Variants in SLC39A14 observed in about 807,000 individuals in gnomAD.
The protein encoded by SLC39A14 is metal cation symporter ZIP14.
A neutral mutation model predicts 45.5 loss-of-function variants in SLC39A14; 19 were observed. The ratio of observed to expected loss-of-function variants is 0.42; its 90% CI spans 0.29 to 0.61. SLC39A14 has a LOEUF of 0.61. SLC39A14 is among the 20% of genes least tolerant of loss of function. SLC39A14 has a pLI of 0.22. For missense variants in SLC39A14, 447 were observed against 616.5 expected (o/e 0.73, Z 2.91); for synonymous variants, 264 against 251.3 (o/e 1.05, Z -0.48).
chr8:22,373,547 G>A (rs1156360890), intron 1 of SLC39A14, among the ~76,000 whole-genome samples: 1 of 151,928 alleles, frequency 6.6e-6, no homozygotes, highest in Non-Finnish European at 1.5e-5. Context: ...GATGACACAG[G>A]TACGTGTCAC....
chr8:22,407,094 C>T (rs1319457320), intron 2 of SLC39A14, among the ~76,000 whole-genome samples: 1 of 152,186 alleles, frequency 6.6e-6, no homozygotes, highest in Non-Finnish European at 1.5e-5. Context: ...GGCCATGGCC[C>T]ACTTCCCTGA....
At chr8:22,427,512 G>GAAA, downstream of SLC39A14, among the ~76,000 whole-genome samples, 3 of 142,404 alleles carry the variant, frequency 2.1e-5, no homozygotes, top group Admixed American at 2.1e-4. Context: ...TGCTAGTAAG[G>GAAA]AAAAAAAAAA....
intron 1 of SLC39A14, among the ~76,000 whole-genome samples, chr8:22,389,273 G>GT (rs1833942427): frequency 6.6e-6 from 1 of 152,212 alleles, no homozygotes; most frequent in Admixed American, 6.5e-5. Context: ...TAGTTCCCAG[G>GT]TGTCAGTGAT....
intron 8 of SLC39A14, chr8:22,433,782 A>G: frequency 5.3e-6 from 1 of 188,394 alleles, no homozygotes; most frequent in Non-Finnish European, 1.1e-5. Flanking sequence ...AGCTGGTCTC[A>G]ACCTCCTGAG....
intron 1 of SLC39A14, among the ~76,000 whole-genome samples, chr8:22,387,283 C>G (rs1423583173): frequency 6.6e-6 from 1 of 152,004 alleles, no homozygotes; most frequent in African/African-American, 2.4e-5. Flanking sequence ...TTGGGTCCGC[C>G]CTGGTTTTTT....
At chr8:22,380,358 G>A (rs941538959) in intron 1 of SLC39A14, among the ~76,000 whole-genome samples, 7 of 152,290 alleles carry the variant, frequency 4.6e-5, no homozygotes, top group African/African-American at 9.6e-5. Flanking sequence ...GCAGAGTGTC[G>A]TACTTAGAAG....
intron 1 of SLC39A14, among the ~76,000 whole-genome samples, chr8:22,401,526 C>CTCTT (rs1434152165): frequency 4.8e-5 from 7 of 145,270 alleles, no homozygotes; most frequent in Non-Finnish European, 9.0e-5. Flanking sequence ...TTCTGTCTTT[C>CTCTT]TCTTTCTCTT....
chr8:22,411,060 T>C (rs1473454218), intron 3 of SLC39A14, among the ~76,000 whole-genome samples: 3 of 152,228 alleles, frequency 2.0e-5, no homozygotes, highest in African/African-American at 7.2e-5. Context: ...CATCTCAAAA[T>C]TCTGCATGGC....
At chr8:22,394,796 C>G (rs902982882) in intron 1 of SLC39A14, among the ~76,000 whole-genome samples, 1 of 152,080 alleles carries the variant, frequency 6.6e-6, no homozygotes, top group Non-Finnish European at 1.5e-5. Flanking sequence ...CTTTCATGCC[C>G]CAGAATTTCT....
chr8:22,379,192 AG>A (rs1833368126), intron 1 of SLC39A14, among the ~76,000 whole-genome samples: 1 of 152,190 alleles, frequency 6.6e-6, no homozygotes, highest in Non-Finnish European at 1.5e-5. Context: ...ATAAAGACAT[AG>A]GTCATTGGAT....
intron 1 of SLC39A14, among the ~76,000 whole-genome samples, chr8:22,401,584 G>C (rs1221293946): frequency 7.7e-5 from 7 of 91,136 alleles, no homozygotes; most frequent in South Asian, 8.1e-4. Context: ...ATCTTGCTCT[G>C]TCCCCCAGGC....
In SLC39A14 at chr8:22,397,287, A is replaced by C. The variant is rs117987978; in HGVS notation, c.-15-7409A>C. Among the ~76,000 whole-genome samples, 212 of 151,682 alleles carry C rather than the reference A, an allele frequency of 1.4e-3. 1 individual carries two copies. The highest frequency in any genetic ancestry group is 2.6e-3 in the Non-Finnish European group (178 of 67,920). ...CCCTTGATTTTTTTTATTCCTTAAG[A>C]CCTCCTCCTGGCCGGGCGCGGTGGC... On this transcript the variant is annotated intron_variant, in intron 1 of 8. Coordinates refer to ENST00000381237, the MANE Select transcript of SLC39A14 (RefSeq NM_001128431.4).
chr8:22,395,106 T>C (rs1834311763), intron 1 of SLC39A14, among the ~76,000 whole-genome samples: 1 of 150,818 alleles, frequency 6.6e-6, no homozygotes, highest in African/African-American at 2.4e-5. Flanking sequence ...GCCTCCCGGG[T>C]TCAAGCAATT....
intron 1 of SLC39A14, among the ~76,000 whole-genome samples, chr8:22,380,839 G>C (rs997887504): frequency 6.6e-6 from 1 of 151,994 alleles, no homozygotes; most frequent in African/African-American, 2.4e-5. Context: ...ACCATGCCAA[G>C]CTAATTATTG....
intron 3 of SLC39A14, among the ~76,000 whole-genome samples, chr8:22,410,892 T>A (rs1453271190): frequency 6.6e-6 from 1 of 152,190 alleles, no homozygotes; most frequent in Non-Finnish European, 1.5e-5. Context: ...AGACGTGTGG[T>A]TGACCCCATT....
chr8:22,412,514 C>T (rs1009156336), intron 4 of SLC39A14, among the ~76,000 whole-genome samples: 1 of 152,116 alleles, frequency 6.6e-6, no homozygotes, highest in Non-Finnish European at 1.5e-5. Context: ...GAGGGTGGAA[C>T]GAGCGAGTCT....
intron 8 of SLC39A14, among the ~76,000 whole-genome samples, chr8:22,429,849 G>T (rs1390779696): frequency 6.6e-6 from 1 of 152,230 alleles, no homozygotes; most frequent in African/African-American, 2.4e-5. Context: ...TTAACACGGG[G>T]GAGTGAGGTA....
intron 2 of SLC39A14, among the ~76,000 whole-genome samples, chr8:22,407,128 C>T (rs1009520319): frequency 6.6e-6 from 1 of 152,212 alleles, no homozygotes; most frequent in East Asian, 1.9e-4. Context: ...CCTCCCCTAA[C>T]CTCTGTGAAC....
intron 3 of SLC39A14, 40 bp from the exon 4 acceptor site, chr8:22,411,997 C>T: frequency 6.5e-7 from 1 of 1,532,228 alleles, no homozygotes; most frequent in East Asian, 2.5e-5. Context: ...TGCCTTCTCT[C>T]CCTGCCCTGG....
Sources: gnomAD v4.1 joint callset for allele counts (sites outside exome capture counted in the v4.1 genomes callset) on GRCh38, gnomAD v4.1.1 for gene constraint, MANE v1.5 for transcripts, NCBI Gene and HGNC (gene_info 2026-07-23, HGNC 2026-07-21) for gene names.